The following CAMTA1 variants were observed in gnomAD, a reference collection of about 807,000 sequenced individuals.
The protein encoded by CAMTA1 is calmodulin-binding transcription activator 1.
A neutral mutation model predicts 170.9 loss-of-function variants in CAMTA1; 27 were observed. That is an observed-to-expected ratio of 0.16 (90% CI 0.12 to 0.22). The LOEUF (loss-of-function observed/expected upper bound fraction) is 0.22, where lower values mean the gene tolerates loss of function less well. Ranked by LOEUF, CAMTA1 falls within the 10% of genes least tolerant of loss-of-function variation. CAMTA1 has a pLI of 1.00. For missense variants in CAMTA1, 1,619 were observed against 2,217.2 expected (o/e 0.73, Z 5.42); for synonymous variants, 833 against 891.5 (o/e 0.93, Z 1.17).
chr1:7,312,277 G>T (rs1315107263), intron 5 of CAMTA1, among the ~76,000 whole-genome samples: 1 of 152,022 alleles, frequency 6.6e-6, no homozygotes, highest in Non-Finnish European at 1.5e-5. Flanking sequence ...GGATTGCCTG[G>T]GGGCTGCAGT....
At chr1:6,991,951 C>T (rs761773762) in intron 3 of CAMTA1, among the ~76,000 whole-genome samples, 4 of 152,242 alleles carry the variant, frequency 2.6e-5, no homozygotes, top group Admixed American at 6.5e-5. Flanking sequence ...ATCCGCCTGC[C>T]TCGGCCTCCC....
chr1:7,364,028 C>T (rs912200274), intron 5 of CAMTA1, among the ~76,000 whole-genome samples: 1 of 152,172 alleles, frequency 6.6e-6, no homozygotes, highest in Admixed American at 6.5e-5. Context: ...TCAGAAAAGC[C>T]GAGAGTGCCT....
At chr1:7,613,571 A>C (rs1285707744) in intron 6 of CAMTA1, among the ~76,000 whole-genome samples, 1 of 152,160 alleles carries the variant, frequency 6.6e-6, no homozygotes, top group Non-Finnish European at 1.5e-5. Flanking sequence ...CTTGCCCACA[A>C]GGAGGTGGTG....
chr1:7,102,152 T>A (rs1642821165), intron 4 of CAMTA1, among the ~76,000 whole-genome samples: 2 of 152,148 alleles, frequency 1.3e-5, no homozygotes, highest in South Asian at 4.1e-4. Context: ...GAGTTGAAAT[T>A]TTTTGGGTAG....
intron 6 of CAMTA1, among the ~76,000 whole-genome samples, chr1:7,608,837 C>T (rs555712470): frequency 8.2e-4 from 125 of 152,226 alleles, no homozygotes; most frequent in African/African-American, 2.8e-3. Flanking sequence ...CCTCAGCCGG[C>T]CACAGGTCCA....
chr1:7,400,548 T>C (rs897591067), intron 5 of CAMTA1, among the ~76,000 whole-genome samples: 5 of 152,200 alleles, frequency 3.3e-5, no homozygotes, highest in Non-Finnish European at 5.9e-5. Flanking sequence ...TTTGTTGTTT[T>C]TTTTTCATGT....
rs2096737108 is a variant in CAMTA1 at position 7,732,005 on chromosome 1, A to C, written c.2915-443A>C. Among the ~76,000 whole-genome samples, 1 of 149,240 alleles carries C rather than the reference A, an allele frequency of 6.7e-6. No individual in the cohort carries two copies. Among genetic ancestry groups the C allele is most frequent in the African/African-American group, 2.4e-5 (1 of 40,882 alleles). ...TGTAAAAACTCAGTGTTTTGGTAAA[A>C]GATATACTACCTTTTTTTTTTTTTG... is the stretch of plus-strand genomic sequence containing the variant. On this transcript the variant is annotated intron_variant, in intron 11 of 22. Coordinates refer to ENST00000303635, the MANE Select transcript of CAMTA1 (RefSeq NM_015215.4). This position sits in a 1 kb window ranked among gnomAD's most constrained non-coding sequence, Gnocchi z 4.1.
chr1:7,000,035 G>C (rs1557950534), intron 3 of CAMTA1, among the ~76,000 whole-genome samples: 1 of 152,250 alleles, frequency 6.6e-6, no homozygotes, highest in Non-Finnish European at 1.5e-5. Context: ...AGGTTCCACT[G>C]TGATAGACTG....
chr1:6,834,252 T>G (rs962564087), intron 3 of CAMTA1: 2 of 151,078 alleles, frequency 1.3e-5, no homozygotes, highest in African/African-American at 2.4e-5. Flanking sequence ...AAAAATTTAT[T>G]TTTTAATTTT....
intron 3 of CAMTA1, among the ~76,000 whole-genome samples, chr1:6,945,757 A>G (rs1422715115): frequency 4.6e-5 from 7 of 152,122 alleles, no homozygotes; most frequent in African/African-American, 7.2e-5. Flanking sequence ...CATGAGATGT[A>G]TGGTCTTTTG....
chr1:7,441,950 T>C (rs2092551748), intron 5 of CAMTA1, among the ~76,000 whole-genome samples: 1 of 152,150 alleles, frequency 6.6e-6, no homozygotes, highest in Non-Finnish European at 1.5e-5. Flanking sequence ...AGGCCTCGAT[T>C]CCGGCGGTTT....
chr1:7,423,542 G>A (rs556910367), intron 5 of CAMTA1, among the ~76,000 whole-genome samples: 3 of 146,688 alleles, frequency 2.0e-5, no homozygotes, highest in Admixed American at 6.8e-5. Context: ...GCCTCCCCCC[G>A]CCGGGTGTCA....
chr1:7,245,984 C>T (rs193183629), intron 4 of CAMTA1, among the ~76,000 whole-genome samples: 42 of 152,314 alleles, frequency 2.8e-4, no homozygotes, highest in Admixed American at 8.5e-4. Context: ...CCCCCTCCAC[C>T]GGGCAGGGAA....
intron 5 of CAMTA1, among the ~76,000 whole-genome samples, chr1:7,434,902 A>G (rs1047844892): frequency 1.3e-5 from 2 of 151,664 alleles, no homozygotes; most frequent in Non-Finnish European, 2.9e-5. Context: ...AAATACAGAA[A>G]TTAGCCAAGC....
intron 9 of CAMTA1, among the ~76,000 whole-genome samples, chr1:7,669,219 G>A (rs2096032188): frequency 6.6e-6 from 1 of 152,236 alleles, no homozygotes; most frequent in Non-Finnish European, 1.5e-5. Flanking sequence ...GACCTCCCAG[G>A]CCAGAGCCAG....
chr1:7,556,911 C>T (rs1193751230), intron 6 of CAMTA1, among the ~76,000 whole-genome samples: 2 of 152,162 alleles, frequency 1.3e-5, no homozygotes, highest in Non-Finnish European at 2.9e-5. Flanking sequence ...CCAGAAATAG[C>T]TATAGAAGAG....
At chr1:7,220,609 G>A (rs1216589371) in intron 4 of CAMTA1, among the ~76,000 whole-genome samples, 2 of 152,164 alleles carry the variant, frequency 1.3e-5, no homozygotes, top group African/African-American at 2.4e-5. Flanking sequence ...CCAGAAAAAG[G>A]GACCACCTCG....
At position 7,570,309 on chromosome 1, in the gene CAMTA1, C is replaced by A. The variant is rs1576139378; in HGVS notation, c.511-70091C>A. ...CCCTTCCTTTAAAAGTTCCTACATT[C>A]CACTGTAGGTCAATTACACTGTAAC... On this transcript the variant is annotated intron_variant, in intron 6 of 22. Transcript: ENST00000303635. The surrounding 1 kb of genome is among the most constrained non-coding windows in gnomAD (Gnocchi z 4.3). 6.6e-6 allele frequency among the ~76,000 whole-genome samples: 1 copy of A among 152,220 alleles called. No homozygotes were observed. The highest frequency in any genetic ancestry group is 1.9e-4 in the East Asian group (1 of 5,194).
intron 11 of CAMTA1, among the ~76,000 whole-genome samples, chr1:7,717,661 G>A (rs2096620928): frequency 6.6e-6 from 1 of 151,970 alleles, no homozygotes; most frequent in Non-Finnish European, 1.5e-5. Context: ...GCAGGAGGTA[G>A]AGGCTGTGGT....
Sources: gnomAD v4.1 joint callset for allele counts (sites outside exome capture counted in the v4.1 genomes callset) on GRCh38, gnomAD v4.1.1 for gene constraint, Gnocchi (gnomAD v3.1) non-coding constraint, MANE v1.5 for transcripts, NCBI Gene and HGNC (gene_info 2026-07-23, HGNC 2026-07-21) for gene names.